PTK2B: variants seen among roughly 807,000 people sequenced by gnomAD.
PTK2B encodes the protein protein tyrosine kinase 2 beta, also known as protein-tyrosine kinase 2-beta.
In PTK2B, 71 loss-of-function variants were observed where a neutral mutation model predicts 142.9. That is an observed-to-expected ratio of 0.50 (90% CI 0.41 to 0.61). The LOEUF (loss-of-function observed/expected upper bound fraction) is 0.61, where lower values mean the gene tolerates loss of function less well. Ranked by LOEUF, PTK2B falls within the 20% of genes least tolerant of loss-of-function variation. PTK2B has a pLI of 0.00. For synonymous variants in PTK2B, 519 were observed against 503.4 expected (o/e 1.03, Z -0.42); for missense variants, 1,105 against 1,320.4 (o/e 0.84, Z 2.53).
chr8:27,389,059 G>A (rs886498772), intron 1 of PTK2B, among the ~76,000 whole-genome samples: 21 of 152,140 alleles, frequency 1.4e-4, no homozygotes, highest in African/African-American at 5.1e-4. Context: ...GTTCTCTTCT[G>A]TGATCATCTG....
chr8:27,425,362 G>A (rs955221596), intron 5 of PTK2B, among the ~76,000 whole-genome samples: 6 of 151,982 alleles, frequency 3.9e-5, no homozygotes, highest in African/African-American at 9.7e-5. Context: ...TTAGAGCAAC[G>A]ACAGGGACCA....
intron 30 of PTK2B, among the ~76,000 whole-genome samples, chr8:27,455,742 C>G (rs1812105087): frequency 6.6e-6 from 1 of 152,246 alleles, no homozygotes; most frequent in South Asian, 2.1e-4. Flanking sequence ...GTTGGACCCA[C>G]TTCAGACTTT....
chr8:27,350,634 A>G (rs115524617), intron 1 of PTK2B, among the ~76,000 whole-genome samples: 188 of 152,236 alleles, frequency 1.2e-3, no homozygotes, highest in African/African-American at 4.2e-3. Flanking sequence ...GAGGTCGGAC[A>G]TAACACAAGT....
In PTK2B at chr8:27,382,667, T is replaced by A. The variant is rs572746635; in HGVS notation, c.-37-14881T>A. Among the ~76,000 whole-genome samples, 24 of 152,356 alleles carry A rather than the reference T, an allele frequency of 1.6e-4. 1 individual carries two copies. Among genetic ancestry groups the A allele is most frequent in the African/African-American group, 5.3e-4 (22 of 41,574 alleles). On this transcript the variant is annotated intron_variant, in intron 1 of 30. Coordinates refer to ENST00000346049, the MANE Select transcript of PTK2B (RefSeq NM_173176.3). ...ATGTCCCGAAGGATTTACCCTGCTT[T>A]CTTCTAGTAGTTTTATAGTTTTGAA...
At chr8:27,322,483 GATAAACT>G (rs1186640487), upstream of PTK2B, 2 of 152,114 alleles carry the variant, frequency 1.3e-5, no homozygotes, top group Non-Finnish European at 2.9e-5. Flanking sequence ...GTGAACACTT[GATAAACT>G]ATATGGCAGG....
In PTK2B at chr8:27,437,164, G is replaced by T. The variant is rs1273151701; in HGVS notation, c.1384G>T (p.Asp462Tyr). 6.2e-7 allele frequency: 1 copy of T among 1,614,120 alleles called. No homozygotes were observed. The highest frequency in any genetic ancestry group is 1.7e-5 in the Admixed American group (1 of 60,022). Residue 462 changes from aspartate (D) to tyrosine (Y), a missense_variant, in exon 16 of 31, where the codon GAC (aspartate) becomes TAC (tyrosine). By Grantham distance (160) the Asp-to-Tyr change is radical. Coordinates refer to ENST00000346049, the MANE Select transcript of PTK2B (RefSeq NM_173176.3). ...TGTAGCTGTCAAGACCTGCAAGAAA[G>T]ACTGCACTCTGGACAACAAGGAGAA... ...INVAVKTCKK[D>Y]CTLDNKEKFM...
intron 9 of PTK2B, 44 bp from the exon 10 acceptor site, chr8:27,432,216 C>A: frequency 6.3e-7 from 1 of 1,583,634 alleles, no homozygotes; most frequent in South Asian, 1.1e-5. Flanking sequence ...ATGGCCTAGT[C>A]CTGGTAGTGG....
At chr8:27,446,952 C>T (rs540152760) in intron 24 of PTK2B, among the ~76,000 whole-genome samples, 1 of 152,242 alleles carries the variant, frequency 6.6e-6, no homozygotes, top group South Asian at 2.1e-4. Context: ...TCTGTCTTTG[C>T]GTGTGCTTAA....
chr8:27,331,994 A>T (rs1026529084), intron 1 of PTK2B, among the ~76,000 whole-genome samples: 4 of 151,676 alleles, frequency 2.6e-5, no homozygotes, highest in African/African-American at 9.7e-5. Flanking sequence ...TGCACTTTGC[A>T]CCTCTGCAGA....
intron 1 of PTK2B, among the ~76,000 whole-genome samples, chr8:27,336,395 A>G (rs903133554): frequency 3.3e-5 from 5 of 152,152 alleles, no homozygotes; most frequent in African/African-American, 1.2e-4. Flanking sequence ...AGCCCTGTTG[A>G]GGAAAGAACC....
intron 1 of PTK2B, among the ~76,000 whole-genome samples, chr8:27,386,919 T>C (rs1390873419): frequency 6.6e-6 from 1 of 152,116 alleles, no homozygotes; most frequent in Non-Finnish European, 1.5e-5. Context: ...TTCTGTTTAT[T>C]ACATGTATCA....
chr8:27,342,411 C>T (rs550742803), intron 1 of PTK2B, among the ~76,000 whole-genome samples: 29 of 152,192 alleles, frequency 1.9e-4, no homozygotes, highest in Non-Finnish European at 3.8e-4. Context: ...CTCAGCCTCC[C>T]GAGAAGCCAC....
chr8:27,397,482 T>C (rs1303169617), intron 1 of PTK2B, 66 bp from the exon 2 acceptor site: 4 of 1,265,230 alleles, frequency 3.2e-6, no homozygotes, highest in African/African-American at 2.9e-5. Flanking sequence ...GTGCTGTCCC[T>C]GGGGCCATGA....
At chr8:27,355,505 A>T (rs1474201332) in intron 1 of PTK2B, among the ~76,000 whole-genome samples, 1 of 152,220 alleles carries the variant, frequency 6.6e-6, no homozygotes. Context: ...TGGTTTTAGG[A>T]CTTCTGACCA....
intron 1 of PTK2B, among the ~76,000 whole-genome samples, chr8:27,388,207 A>G (rs575697114): frequency 2.6e-5 from 4 of 152,320 alleles, no homozygotes; most frequent in South Asian, 2.1e-4. Context: ...TTGATTCATC[A>G]TGGTACCAAA....
intron 2 of PTK2B, among the ~76,000 whole-genome samples, chr8:27,405,035 C>CTCTCTCTCTCTCTCT (rs3076735): frequency 2.6e-4 from 31 of 119,638 alleles, no homozygotes; most frequent in Middle Eastern, 4.4e-3. Flanking sequence ...TCTTTCTCTT[C>CTCTCTCTCTCTCTCT]CTCTCTCTCT....
intron 5 of PTK2B, among the ~76,000 whole-genome samples, chr8:27,424,821 A>G (rs919494912): frequency 3.5e-4 from 53 of 152,096 alleles, no homozygotes; most frequent in African/African-American, 1.2e-3. Context: ...CCCTTGTCCT[A>G]TTAACATCAT....
At chr8:27,391,641 G>A (rs1807734287) in intron 1 of PTK2B, among the ~76,000 whole-genome samples, 2 of 152,206 alleles carry the variant, frequency 1.3e-5, no homozygotes, top group South Asian at 4.1e-4. Flanking sequence ...CATCTGGAGG[G>A]GACGTAAATG....
At chr8:27,336,422 T>C (rs138613571) in intron 1 of PTK2B, among the ~76,000 whole-genome samples, 1 of 152,006 alleles carries the variant, frequency 6.6e-6, no homozygotes, top group African/African-American at 2.4e-5. Context: ...GTATGGAGAG[T>C]CACTGTTACA....
Sources: gnomAD v4.1 joint callset for allele counts (sites outside exome capture counted in the v4.1 genomes callset) on GRCh38, gnomAD v4.1.1 for gene constraint, MANE v1.5 for transcripts, NCBI Gene and HGNC (gene_info 2026-07-23, HGNC 2026-07-21) for gene names.